The following MTCL2 variants were observed in gnomAD, a reference collection of about 807,000 sequenced individuals.
The protein encoded by MTCL2 is microtubule cross-linking factor 2.
At chr20:36,815,963 T>A in the MTCL2 span, 1 of 1,613,452 alleles carries the variant, frequency 6.2e-7, no homozygotes. The surrounding 1 kb of genome is among the most constrained non-coding windows in gnomAD (Gnocchi z 5.3). Flanking sequence ...AGGCCAGGCG[T>A]GCCTCAGGAC....
the MTCL2 span, chr20:36,816,292 G>A: frequency 3.2e-6 from 5 of 1,586,840 alleles, no homozygotes; most frequent in Non-Finnish European, 4.3e-6. Context: ...TGGCACTTCA[G>A]GTCTGCACTG....
the MTCL2 span, among the ~76,000 whole-genome samples, chr20:36,795,092 C>T: frequency 6.6e-6 from 1 of 152,122 alleles, no homozygotes; most frequent in South Asian, 2.1e-4. Context: ...GCGTGCGCCA[C>T]CACGCCCAGC....
the MTCL2 span, among the ~76,000 whole-genome samples, chr20:36,811,544 C>T: frequency 0.19 from 29,042 of 151,602 alleles, 3,615 homozygotes; most frequent in East Asian, 0.5. Context: ...GCTCGAGATT[C>T]GCTTGAACTC....
chr20:36,859,095 C>T, the MTCL2 span, among the ~76,000 whole-genome samples: 27 of 152,314 alleles, frequency 1.8e-4, no homozygotes, highest in Middle Eastern at 3.4e-3. Flanking sequence ...CAGGCCCCAT[C>T]ACCTTTATTA....
chr20:36,844,865 A>G, the MTCL2 span, among the ~76,000 whole-genome samples: 1 of 152,044 alleles, frequency 6.6e-6, no homozygotes, highest in Non-Finnish European at 1.5e-5. Flanking sequence ...TACTAAAAAT[A>G]TAAAATTAGC....
At chr20:36,806,213 G>A in the MTCL2 span, among the ~76,000 whole-genome samples, 5 of 152,180 alleles carry the variant, frequency 3.3e-5, no homozygotes, top group Non-Finnish European at 5.9e-5. Flanking sequence ...TGCTACATAA[G>A]GGTGACCAAA....
At chr20:36,854,665 GCCCAGAAGACCCAA>G in the MTCL2 span, among the ~76,000 whole-genome samples, 3 of 152,132 alleles carry the variant, frequency 2.0e-5, no homozygotes, top group Admixed American at 2.0e-4. Flanking sequence ...ACTGACTCGA[GCCCAGAAGACCCAA>G]AGCAGGCCTG....
At chr20:36,821,312 G>A in the MTCL2 span, among the ~76,000 whole-genome samples, 1 of 152,104 alleles carries the variant, frequency 6.6e-6, no homozygotes, top group African/African-American at 2.4e-5. Flanking sequence ...ACCTGAGGTC[G>A]GGAGTTCAAG....
At chr20:36,826,938 T>C in the MTCL2 span, among the ~76,000 whole-genome samples, 1 of 152,208 alleles carries the variant, frequency 6.6e-6, no homozygotes, top group Non-Finnish European at 1.5e-5. Flanking sequence ...TTATTCTTTT[T>C]AATTTCTTCA....
At chr20:36,802,656 G>C in the MTCL2 span, among the ~76,000 whole-genome samples, 3 of 152,196 alleles carry the variant, frequency 2.0e-5, no homozygotes, top group Non-Finnish European at 4.4e-5. Context: ...GGCCTGACAG[G>C]CTGAAGCAGA....
chr20:36,817,735 G>C, the MTCL2 span, among the ~76,000 whole-genome samples: 1 of 152,216 alleles, frequency 6.6e-6, no homozygotes, highest in Non-Finnish European at 1.5e-5. Context: ...CTGCTCCCAT[G>C]TGTGACCCAG....
chr20:36,828,997 G>T, the MTCL2 span: 13 of 1,469,066 alleles, frequency 8.8e-6, no homozygotes, highest in Non-Finnish European at 1.1e-5. Flanking sequence ...GGCTTGGGGG[G>T]GCTTGCATGT....
At chr20:36,785,927 CA>C in the MTCL2 span, 16 of 987,584 alleles carry the variant, frequency 1.6e-5, no homozygotes, top group Non-Finnish European at 1.9e-5. Context: ...CAATCTAGAG[CA>C]GTGGGGCTGG....
At chr20:36,817,903 G>A in the MTCL2 span, among the ~76,000 whole-genome samples, 2 of 152,210 alleles carry the variant, frequency 1.3e-5, no homozygotes, top group Non-Finnish European at 2.9e-5. Context: ...ATTCCCCTTC[G>A]GAACTGAGAC....
chr20:36,841,871 T>TGGGGGGGG, the MTCL2 span, among the ~76,000 whole-genome samples: 1 of 105,686 alleles, frequency 9.5e-6, no homozygotes, highest in Non-Finnish European at 2.0e-5. Context: ...GGGTGGGGGG[T>TGGGGGGGG]GGGGTGTGTG....
At chr20:36,794,630 T>C in the MTCL2 span, 1 of 1,613,868 alleles carries the variant, frequency 6.2e-7, no homozygotes, top group Non-Finnish European at 8.5e-7. This position sits in a 1 kb window ranked among gnomAD's most constrained non-coding sequence, Gnocchi z 5.4. Flanking sequence ...AACGTCGTTA[T>C]TAGTGGAAAT....
chr20:36,792,524 TAA>T, the MTCL2 span, among the ~76,000 whole-genome samples: 1 of 131,874 alleles, frequency 7.6e-6, no homozygotes, highest in Non-Finnish European at 1.7e-5. Flanking sequence ...ACAAAAACAA[TAA>T]AAAAAAAAAA....
chr20:36,859,796 G>A, the MTCL2 span: 1 of 1,231,692 alleles, frequency 8.1e-7, no homozygotes, highest in Non-Finnish European at 1.0e-6. Flanking sequence ...GGACATACTG[G>A]GGATTTGGAG....
At chr20:36,841,206 G>A in the MTCL2 span, among the ~76,000 whole-genome samples, 4 of 136,524 alleles carry the variant, frequency 2.9e-5, no homozygotes, top group Non-Finnish European at 6.2e-5. Context: ...GGTGGTTCAC[G>A]CCTGTAATCC....
Sources: allele counts gnomAD v4.1 joint callset (sites outside exome capture counted in the v4.1 genomes callset), GRCh38; gene constraint gnomAD v4.1.1; non-coding constraint Gnocchi (gnomAD v3.1); transcripts MANE v1.5; gene names NCBI Gene and HGNC (gene_info 2026-07-23, HGNC 2026-07-21).